CNTN5: variants seen among roughly 807,000 people sequenced by gnomAD.
CNTN5 encodes the protein contactin-5.
In CNTN5, 77 loss-of-function variants were observed where a neutral mutation model predicts 129.1. The ratio of observed to expected loss-of-function variants is 0.60; its 90% CI spans 0.50 to 0.72. The LOEUF (loss-of-function observed/expected upper bound fraction) is 0.72. Among genes scored for constraint, CNTN5 ranks in the 30% least tolerant of loss-of-function variants. The pLI is 0.00. For synonymous variants in CNTN5, 509 were observed against 465.6 expected, an observed-to-expected ratio of 1.09 and a Z score of -1.20; for missense variants, 1,478 against 1,328.8, an observed-to-expected ratio of 1.11 and a Z score of -1.75.
intron 18 of CNTN5, among the ~76,000 whole-genome samples, chr11:100,273,022 C>A (rs1950435260): frequency 6.6e-6 from 1 of 152,156 alleles, no homozygotes; most frequent in African/African-American, 2.4e-5. Flanking sequence ...CCTAGGGGAA[C>A]TTTCTGTCTG....
chr11:99,349,543 A>G lies in CNTN5; in HGVS notation c.-71+24059A>G, dbSNP rs573157718. On this transcript the variant is annotated intron_variant, in intron 2 of 24. Transcript: ENST00000524871. ...TGTTTGGGCATATGGTCTTGTTTTTATGATCTTTTAACCTTTATTTATTAT... is the reference window on the plus strand; with the variant it reads ...TGTTTGGGCATATGGTCTTGTTTTTGTGATCTTTTAACCTTTATTTATTAT... Among the ~76,000 whole-genome samples the G allele has an allele frequency of 2.0e-5, 3 of 152,194 alleles. No individual in the cohort carries two copies. The East Asian group carries it at 5.8e-4, about 29-fold the overall frequency.
intron 4 of CNTN5, among the ~76,000 whole-genome samples, chr11:99,828,463 G>C (rs1368508640): frequency 6.6e-6 from 1 of 152,174 alleles, no homozygotes; most frequent in Non-Finnish European, 1.5e-5. Flanking sequence ...GTGAGAGCAA[G>C]AATGGATAAT....
chr11:99,645,244 A>T (rs11220820), intron 3 of CNTN5, among the ~76,000 whole-genome samples: 81,752 of 131,130 alleles, frequency 0.62, 25,553 homozygotes, highest in Middle Eastern at 0.72. Context: ...TGGGCAACAG[A>T]GCGAGGCTCC....
chr11:99,949,394 G>A (rs890743280), intron 7 of CNTN5, among the ~76,000 whole-genome samples: 2 of 152,040 alleles, frequency 1.3e-5, no homozygotes, highest in African/African-American at 4.8e-5. Context: ...TCACAAATTT[G>A]ATAAGCACAT....
chr11:99,887,066 A>G (rs1948919924), intron 6 of CNTN5, among the ~76,000 whole-genome samples: 1 of 152,204 alleles, frequency 6.6e-6, no homozygotes, highest in Non-Finnish European at 1.5e-5. Context: ...TCCATAACTC[A>G]GGATTATGTT....
At chr11:99,900,353 A>T (rs1194406102) in intron 6 of CNTN5, among the ~76,000 whole-genome samples, 1 of 151,912 alleles carries the variant, frequency 6.6e-6, no homozygotes, top group Non-Finnish European at 1.5e-5. Context: ...ATATTGAGCC[A>T]TCCTTGCATC....
chr11:99,995,992 C>T (rs560955019), intron 8 of CNTN5, among the ~76,000 whole-genome samples: 2 of 152,304 alleles, frequency 1.3e-5, no homozygotes, highest in African/African-American at 4.8e-5. Flanking sequence ...CAGATACTTT[C>T]TTCTGAATAT....
chr11:99,773,930 G>A (rs1945031745), intron 3 of CNTN5, among the ~76,000 whole-genome samples: 1 of 151,980 alleles, frequency 6.6e-6, no homozygotes, highest in South Asian at 2.1e-4. Flanking sequence ...AACTATTGCA[G>A]CTTTTCATGC....
Position 99,760,323 on chromosome 11 carries a change from G to A in CNTN5, c.56-59221G>A, listed in dbSNP as rs77584031. On this transcript the variant is annotated intron_variant, in intron 3 of 24. Transcript: ENST00000524871. ...ATTCTGTAGTCCTTTTTGGAGGAGC[G>A]TCTGAGAGGATCTGGGGGCCATGGG... is the stretch of plus-strand genomic sequence containing the variant. Among the ~76,000 whole-genome samples, 475 of 152,168 alleles carry A rather than the reference G, an allele frequency of 3.1e-3. 1 individual carries two copies. Among genetic ancestry groups the A allele is most frequent in the Middle Eastern group, 6.8e-3 (2 of 294 alleles).
At chr11:100,344,676 T>G (rs1952240425) in intron 23 of CNTN5, among the ~76,000 whole-genome samples, 1 of 152,176 alleles carries the variant, frequency 6.6e-6, no homozygotes, top group South Asian at 2.1e-4. Flanking sequence ...GATAAATATT[T>G]AAGGTAATGG....
At chr11:99,947,325 AAT>A (rs1221767698) in intron 7 of CNTN5, among the ~76,000 whole-genome samples, 1 of 148,784 alleles carries the variant, frequency 6.7e-6, no homozygotes, top group East Asian at 2.0e-4. Context: ...AACAGAGATA[AAT>A]ATGTGTTTTA....
chr11:99,594,376 G>T (rs549284073), intron 3 of CNTN5, among the ~76,000 whole-genome samples: 12 of 152,246 alleles, frequency 7.9e-5, no homozygotes, highest in African/African-American at 2.6e-4. Context: ...CTGTCTGGGG[G>T]ATGTTGCTGA....
At chr11:99,554,694 A>G (rs564098654) in intron 2 of CNTN5, among the ~76,000 whole-genome samples, 1 of 152,248 alleles carries the variant, frequency 6.6e-6, no homozygotes, top group African/African-American at 2.4e-5. Context: ...CAATTTAATC[A>G]TGAATTGAAA....
intron 1 of CNTN5, among the ~76,000 whole-genome samples, chr11:99,041,691 G>A (rs1863988749): frequency 6.6e-6 from 1 of 152,148 alleles, no homozygotes; most frequent in Admixed American, 6.6e-5. Flanking sequence ...TAAAGAGCAT[G>A]CCCCAATCTT....
intron 3 of CNTN5, among the ~76,000 whole-genome samples, chr11:99,578,385 A>G (rs1370740752): frequency 3.4e-5 from 5 of 146,894 alleles, no homozygotes. Flanking sequence ...CTAGTTCTAG[A>G]TCCCTGAGGA....
intron 13 of CNTN5, among the ~76,000 whole-genome samples, chr11:100,167,174 A>T (rs564695420): frequency 2.0e-5 from 3 of 151,786 alleles, no homozygotes; most frequent in Non-Finnish European, 4.4e-5. Flanking sequence ...CACTGAGTTT[A>T]ATATTCATCA....
intron 16 of CNTN5, among the ~76,000 whole-genome samples, chr11:100,251,291 T>C (rs1307416713): frequency 2.0e-5 from 3 of 152,156 alleles, no homozygotes; most frequent in Non-Finnish European, 4.4e-5. Context: ...TTTTGTTTAT[T>C]TTTTTAATTC....
At chr11:99,257,698 T>A (rs898572199) in intron 1 of CNTN5, among the ~76,000 whole-genome samples, 8 of 152,118 alleles carry the variant, frequency 5.3e-5, no homozygotes, top group African/African-American at 1.9e-4. Flanking sequence ...TCATGAAGAC[T>A]GTCTTCTAAT....
intron 8 of CNTN5, among the ~76,000 whole-genome samples, chr11:99,994,829 T>G (rs1428061521): frequency 6.6e-6 from 1 of 152,074 alleles, no homozygotes; most frequent in Non-Finnish European, 1.5e-5. Flanking sequence ...AACATTCGGC[T>G]GAGTTTATAG....
Sources: allele counts gnomAD v4.1 joint callset (sites outside exome capture counted in the v4.1 genomes callset), GRCh38; gene constraint gnomAD v4.1.1; transcripts MANE v1.5; gene names NCBI Gene and HGNC (gene_info 2026-07-23, HGNC 2026-07-21).